Variants in SYTL2 observed in about 807,000 individuals in gnomAD.
SYTL2 encodes the protein synaptotagmin like 2.
In SYTL2, 165 loss-of-function variants were observed where a neutral mutation model predicts 198.7. The ratio of observed to expected loss-of-function variants is 0.83; its 90% CI spans 0.73 to 0.94. The LOEUF (loss-of-function observed/expected upper bound fraction) is 0.94. Ranked by LOEUF, SYTL2 falls within the 40% of genes least tolerant of loss-of-function variation. The pLI is 0.00. For missense variants in SYTL2, 2,835 were observed against 2,582.8 expected (o/e 1.10, Z -2.12); for synonymous variants, 966 against 917.7 (o/e 1.05, Z -0.95).
Position 85,726,652 on chromosome 11 carries a change from C to G in SYTL2, c.2706G>C (p.Leu902=). 6.5e-7 allele frequency: 1 copy of G among 1,537,096 alleles called. No individual in the cohort carries two copies. Among genetic ancestry groups the G allele is most frequent in the South Asian group, 1.2e-5 (1 of 84,358 alleles). ...TAGGCTCATTTTTCTTATTCTGAAA[C>G]AGAGACACTTTATCTGATTGCTCAG... ...LSAEQSDKVS[L]FQNKKNEPIK... Residue 902 remains leucine (L), a synonymous_variant, in exon 8 of 20, where the codon CTG becomes CTC. Coordinates refer to ENST00000359152, the MANE Select transcript of SYTL2 (RefSeq NM_206927.4).
At chr11:85,760,686 G>A (rs564304145) in intron 1 of SYTL2, among the ~76,000 whole-genome samples, 2 of 152,046 alleles carry the variant, frequency 1.3e-5, no homozygotes, top group Admixed American at 1.3e-4. Flanking sequence ...GAAAAACTTA[G>A]GTCGTCTAGC....
the SYTL2 span, among the ~76,000 whole-genome samples, chr11:85,850,656 C>A: frequency 2.1e-4 from 31 of 151,024 alleles, 1 homozygote; most frequent in Admixed American, 1.5e-3. Context: ...TACCATTTGA[C>A]CCAGCCATTC....
At chr11:85,853,103 C>T in the SYTL2 span, 5 of 285,802 alleles carry the variant, frequency 1.7e-5, no homozygotes, top group South Asian at 2.6e-5. Context: ...TCTGCCCGGC[C>T]GCCCCTTCTG....
chr11:85,719,899 CAA>C (rs955415799), intron 9 of SYTL2, among the ~76,000 whole-genome samples: 18 of 152,106 alleles, frequency 1.2e-4, no homozygotes, highest in African/African-American at 4.3e-4. Context: ...CTAAACATAA[CAA>C]TGGCCAATTT....
At chr11:85,763,087 TC>T (rs1385276772) in intron 1 of SYTL2, among the ~76,000 whole-genome samples, 1 of 152,226 alleles carries the variant, frequency 6.6e-6, no homozygotes, top group African/African-American at 2.4e-5. Flanking sequence ...ATCTTTCACA[TC>T]ATTCTGTGGT....
intron 1 of SYTL2, among the ~76,000 whole-genome samples, chr11:85,797,778 C>T (rs959850950): frequency 1.3e-5 from 2 of 152,028 alleles, no homozygotes; most frequent in Non-Finnish European, 1.5e-5. Flanking sequence ...CCCACCTGGC[C>T]ACTCATCTAT....
chr11:85,778,052 C>A (rs912522803), intron 1 of SYTL2, among the ~76,000 whole-genome samples: 1 of 152,068 alleles, frequency 6.6e-6, no homozygotes, highest in Admixed American at 6.5e-5. Context: ...CGCCTGACCT[C>A]AGGTGATCTG....
chr11:85,703,765 A>G (rs894743988), intron 16 of SYTL2, among the ~76,000 whole-genome samples: 1 of 152,146 alleles, frequency 6.6e-6, no homozygotes, highest in Non-Finnish European at 1.5e-5. Flanking sequence ...AAATATATAC[A>G]ATTAAAACAT....
rs776894021 is a variant in SYTL2, at chr11:85,724,012, A to T, written c.5326+20T>A. ...CCATAAAGCAGACTCACTGTGAGTT[A>T]AAAAATTTTAAATGCTCACTGGAAG... On this transcript the variant is annotated intron_variant, in intron 8 of 19. Coordinates refer to ENST00000359152, the MANE Select transcript of SYTL2 (RefSeq NM_206927.4). 4.3e-6 allele frequency: 6 copies of T among 1,407,766 alleles called. No homozygotes were observed. The East Asian group carries it at 1.5e-4, about 35-fold the overall frequency. The allele number at this position is 1,407,766 out of a possible 1,614,324, so 87.2% of individuals were successfully genotyped here. A position where few individuals can be genotyped will look rare whatever the true frequency, so the allele number is the denominator to read the frequency against.
At chr11:85,822,213 T>TCTG in the SYTL2 span, among the ~76,000 whole-genome samples, 1 of 152,104 alleles carries the variant, frequency 6.6e-6, no homozygotes, top group Non-Finnish European at 1.5e-5. Context: ...TCTCTGTGAG[T>TCTG]CTCAGGTGTA....
At chr11:85,789,631 G>A (rs1384770447) in intron 1 of SYTL2, among the ~76,000 whole-genome samples, 1 of 151,462 alleles carries the variant, frequency 6.6e-6, no homozygotes, top group African/African-American at 2.4e-5. Flanking sequence ...TATGTGCCAG[G>A]TACTATACTA....
chr11:85,780,859 G>A (rs2092547888), intron 1 of SYTL2, among the ~76,000 whole-genome samples: 1 of 152,382 alleles, frequency 6.6e-6, no homozygotes, highest in African/African-American at 2.4e-5. Flanking sequence ...ATTAGGGACA[G>A]TCTTGTGGGA....
intron 1 of SYTL2, among the ~76,000 whole-genome samples, chr11:85,802,330 T>A (rs190155974): frequency 1.1e-4 from 17 of 150,384 alleles, no homozygotes; most frequent in African/African-American, 4.2e-4. Context: ...CAAGCAATTC[T>A]CCTGCCTCAG....
intron 1 of SYTL2, among the ~76,000 whole-genome samples, chr11:85,763,786 T>A (rs2092161618): frequency 6.6e-6 from 1 of 151,388 alleles, no homozygotes; most frequent in African/African-American, 2.4e-5. Context: ...AAGGCCCTGA[T>A]CAACAAGAAG....
intron 3 of SYTL2, among the ~76,000 whole-genome samples, chr11:85,746,661 C>CACATGTA (rs911560026): frequency 6.6e-6 from 1 of 152,164 alleles, no homozygotes; most frequent in African/African-American, 2.4e-5. Context: ...AGTATCCCCC[C>CACATGTA]ACAGGTCCTG....
chr11:85,746,970 C>T (rs1020295690), intron 3 of SYTL2, among the ~76,000 whole-genome samples: 1 of 152,178 alleles, frequency 6.6e-6, no homozygotes. Flanking sequence ...CACAGGATTA[C>T]TGCAACAATT....
At chr11:85,846,350 A>T in the SYTL2 span, among the ~76,000 whole-genome samples, 8 of 152,232 alleles carry the variant, frequency 5.3e-5, no homozygotes, top group African/African-American at 1.9e-4. Context: ...AGATTCAAGG[A>T]GAGGGAACAG....
the SYTL2 span, among the ~76,000 whole-genome samples, chr11:85,833,270 T>A: frequency 2.7e-5 from 4 of 148,900 alleles, no homozygotes; most frequent in South Asian, 6.3e-4. Context: ...CCAGACTCCA[T>A]TATGTAGGTA....
chr11:85,814,158 A>G (rs2093058820), upstream of SYTL2, among the ~76,000 whole-genome samples: 1 of 152,158 alleles, frequency 6.6e-6, no homozygotes, highest in African/African-American at 2.4e-5. Context: ...ATGGTGTGAT[A>G]ATGGTTGGAA....
Sources: allele counts gnomAD v4.1 joint callset (sites outside exome capture counted in the v4.1 genomes callset), GRCh38; gene constraint gnomAD v4.1.1; transcripts MANE v1.5; gene names NCBI Gene and HGNC (gene_info 2026-07-23, HGNC 2026-07-21).